Variants in SYNE1 observed in about 807,000 individuals in gnomAD.
SYNE1 encodes spectrin repeat containing nuclear envelope protein 1, also known as nesprin-1.
Under a neutral mutation model 1,111.0 loss-of-function variants are expected in SYNE1, and 616 were observed. That is an observed-to-expected ratio of 0.55 (90% CI 0.52 to 0.59). The LOEUF is 0.59. Among genes scored for constraint, SYNE1 ranks in the 20% least tolerant of loss-of-function variants. The pLI, the probability that SYNE1 is intolerant of heterozygous loss-of-function variation, is 0.00. For synonymous variants in SYNE1, 3,855 were observed against 3,825.8 expected (o/e 1.01, Z -0.28); for missense variants, 10,006 against 10,417.0 (o/e 0.96, Z 1.72).
intron 95 of SYNE1, among the ~76,000 whole-genome samples, chr6:152,288,150 T>C (rs1233862254): frequency 1.3e-5 from 2 of 152,100 alleles, no homozygotes; most frequent in South Asian, 2.1e-4. Context: ...ACACTGATCC[T>C]TCTGTACAAG....
intron 17 of SYNE1, 144 bp from the exon 18 acceptor site, chr6:152,465,604 T>A: frequency 1.3e-6 from 1 of 779,044 alleles, no homozygotes; most frequent in Non-Finnish European, 2.1e-6. Flanking sequence ...CAGACATAAT[T>A]ACAAATGGAA....
intron 3 of SYNE1, 129 bp downstream of exon 3, chr6:152,628,136 G>A: frequency 1.1e-6 from 1 of 952,302 alleles, no homozygotes; most frequent in South Asian, 1.3e-5. Flanking sequence ...GAAAACACTG[G>A]AATAAAGACA....
At position 152,236,125 on chromosome 6, in the gene SYNE1, A is replaced by G; in HGVS notation, c.20378T>C (p.Ile6793Thr). 1 of 1,614,102 alleles carries G rather than the reference A, an allele frequency of 6.2e-7. No homozygotes were observed. The highest frequency in any genetic ancestry group is 8.5e-7 in the Non-Finnish European group (1 of 1,180,000). ...MSKELHRLET[I>T]LKHWTRYQSE... Reference sequence around the variant, plus strand: ...GTATTACCTGGTCCAGTGTTTCAATATTGTTTCCAGTCTGTGAAGTTCCTT... The same window carrying G: ...GTATTACCTGGTCCAGTGTTTCAATGTTGTTTCCAGTCTGTGAAGTTCCTT... The change falls in exon 110 of 146, where the codon ATA (isoleucine) becomes ACA (threonine). Residue 6793 changes from isoleucine to threonine, a missense_variant. Transcript: ENST00000367255.
At chr6:152,533,910 G>A (rs1405698679) in intron 4 of SYNE1, among the ~76,000 whole-genome samples, 2 of 152,132 alleles carry the variant, frequency 1.3e-5, no homozygotes, top group African/African-American at 4.8e-5. Context: ...TGTAATCCCA[G>A]CATTTTGGGA....
At chr6:152,396,645 T>C (rs1052537067) in intron 50 of SYNE1, 130 bp downstream of exon 50, 4 of 941,690 alleles carry the variant, frequency 4.2e-6, no homozygotes, top group East Asian at 5.0e-5. Context: ...CCTGTATTTA[T>C]GATCAAAGCT....
intron 10 of SYNE1, among the ~76,000 whole-genome samples, chr6:152,502,162 A>G (rs2099033354): frequency 6.6e-6 from 1 of 152,226 alleles, no homozygotes; most frequent in Non-Finnish European, 1.5e-5. Context: ...TAAAGGCTGA[A>G]AAATCTAATG....
chr6:152,244,801 A>C, intron 105 of SYNE1, 145 bp from the exon 106 acceptor site: 2 of 1,135,788 alleles, frequency 1.8e-6, no homozygotes, highest in Non-Finnish European at 1.3e-6. Context: ...AATAAAACAA[A>C]TCGAAAGCCA....
At position 152,269,233 on chromosome 6, in the gene SYNE1, G is replaced by C. The variant is rs923809508; in HGVS notation, c.18627C>G (p.Ser6209Arg). Residue 6209 changes from serine (S) to arginine (R), a missense_variant, in exon 99 of 146, where the codon AGC becomes AGG. Physicochemically the swap from Ser to Arg is moderately radical, Grantham distance 110. Around this residue, in one of 7 missense-constraint regions of SYNE1, gnomAD observed 2,182 missense variants for 2,287.8 expected, o/e 0.95. Coordinates refer to ENST00000367255, the MANE Select transcript of SYNE1 (RefSeq NM_182961.4). ...ESDVDLTATQ[S>R]PGVQEWLAQA... ...GGGCCAGCCATTCCTGGACGCCGGG[G>C]CTCTGCGTGGCTGTTAGGTCAACAT... 1 of 1,614,182 alleles carries C rather than the reference G, an allele frequency of 6.2e-7. No individual in the cohort carries two copies. The highest frequency in any genetic ancestry group is 8.5e-7 in the Non-Finnish European group (1 of 1,180,050).
At chr6:152,490,697 C>T (rs1394727032) in intron 11 of SYNE1, among the ~76,000 whole-genome samples, 5 of 152,156 alleles carry the variant, frequency 3.3e-5, no homozygotes, top group Non-Finnish European at 7.3e-5. Flanking sequence ...AGCTTTATTG[C>T]TCACACAAAG....
intron 3 of SYNE1, among the ~76,000 whole-genome samples, chr6:152,627,251 ATATTTGTTT>A (rs1178753746): frequency 6.6e-6 from 1 of 152,228 alleles, no homozygotes; most frequent in Non-Finnish European, 1.5e-5. Context: ...GGTGATAATT[ATATTTGTTT>A]CAAGGAATAT....
chr6:152,471,385 T>C (rs189982494), intron 16 of SYNE1, among the ~76,000 whole-genome samples: 111 of 152,328 alleles, frequency 7.3e-4, no homozygotes, highest in African/African-American at 2.5e-3. Context: ...TAAACTAAAC[T>C]GAACTAGGGG....
chr6:152,312,622 A>C (rs1014709502), intron 87 of SYNE1, among the ~76,000 whole-genome samples: 1 of 148,248 alleles, frequency 6.7e-6, no homozygotes, highest in African/African-American at 2.4e-5. Flanking sequence ...TTTATTAATA[A>C]TTTAATTATT....
chr6:152,442,318 C>CG (rs1211270110), intron 30 of SYNE1, 73 bp from the exon 31 acceptor site: 17 of 1,575,782 alleles, frequency 1.1e-5, no homozygotes, highest in African/African-American at 5.4e-5. Flanking sequence ...TCAACACCCA[C>CG]GCTTAACAGA....
intron 93 of SYNE1, among the ~76,000 whole-genome samples, chr6:152,300,031 T>G (rs1165446106): frequency 1.3e-5 from 2 of 152,206 alleles, no homozygotes; most frequent in Non-Finnish European, 2.9e-5. Flanking sequence ...ATTTAATACA[T>G]GGTAAAAGGC....
At position 152,503,336 on chromosome 6, in the gene SYNE1, G is replaced by C. The variant is rs551797532; in HGVS notation, c.779-594C>G. Among the ~76,000 whole-genome samples the C allele has an allele frequency of 2.0e-5, 3 of 152,202 alleles. No homozygotes were observed. In the South Asian group the frequency reaches 6.2e-4, roughly 32 times the overall value. On this transcript the variant is annotated intron_variant, in intron 9 of 145. Transcript: ENST00000367255. ...CATTCTCTCCAAATTACAGTGCTTTGAGCAATCAAGCACTCTTCGAGGGAA... is the reference window on the plus strand; with the variant it reads ...CATTCTCTCCAAATTACAGTGCTTTCAGCAATCAAGCACTCTTCGAGGGAA...
chr6:152,551,691 C>T (rs2099347482), intron 3 of SYNE1, among the ~76,000 whole-genome samples: 1 of 152,192 alleles, frequency 6.6e-6, no homozygotes, highest in Non-Finnish European at 1.5e-5. Context: ...AAAGCCTACC[C>T]TCCTACTGTT....
intron 63 of SYNE1, among the ~76,000 whole-genome samples, chr6:152,364,373 C>CA (rs1491161296): frequency 2.4e-4 from 37 of 152,188 alleles, no homozygotes; most frequent in African/African-American, 8.9e-4. Flanking sequence ...ATTTCTTTCC[C>CA]ACTCCTCTAT....
intron 74 of SYNE1, among the ~76,000 whole-genome samples, chr6:152,340,000 G>A (rs1008351819): frequency 2.0e-5 from 3 of 152,202 alleles, no homozygotes; most frequent in Non-Finnish European, 4.4e-5. Flanking sequence ...CTTGCTCCCA[G>A]GGAGTTGACA....
intron 130 of SYNE1, among the ~76,000 whole-genome samples, chr6:152,170,594 ACCAGCCGTGAATT>A (rs1473522141): frequency 4.6e-5 from 7 of 152,174 alleles, no homozygotes; most frequent in Admixed American, 1.3e-4. Context: ...CTTAGGTAAT[ACCAGCCGTGAATT>A]CCAAGAATTT....
Sources: gnomAD v4.1 joint callset for allele counts (sites outside exome capture counted in the v4.1 genomes callset) on GRCh38, gnomAD v4.1.1 for gene constraint, gnomAD v4.1.1 regional missense constraint, MANE v1.5 for transcripts, NCBI Gene and HGNC (gene_info 2026-07-23, HGNC 2026-07-21) for gene names.